The following EDA variants were observed in gnomAD, a reference collection of about 807,000 sequenced individuals.
The protein encoded by EDA is ectodysplasin A.
In EDA, 2 loss-of-function variants were observed where a neutral mutation model predicts 23.6. The observed-to-expected ratio is 0.08, with a 90% CI of 0.03 to 0.27. EDA has a LOEUF of 0.27. EDA is among the 10% of genes least tolerant of loss of function. The pLI is 1.00. For missense variants in EDA, 229 were observed against 324.2 expected, an observed-to-expected ratio of 0.71 and a Z score of 2.26; for synonymous variants, 131 against 132.0, an observed-to-expected ratio of 0.99 and a Z score of 0.05.
At chrX:69,655,759 A>AATATATATATATATATATATATAT (rs1435834220) in intron 1 of EDA, among the ~76,000 whole-genome samples, 33 of 39,341 alleles carry the variant, frequency 8.4e-4, no homozygotes, top group Non-Finnish European at 1.1e-3. Context: ...ACATCATTAG[A>AATATATATATATATATATATATAT]ATCTATATAT....
intron 1 of EDA, among the ~76,000 whole-genome samples, chrX:69,696,178 T>G (rs2520374): frequency 0.33 from 35,959 of 107,930 alleles, 5,230 homozygotes; most frequent in Middle Eastern, 0.56. Flanking sequence ...GGCAGAGGTT[T>G]CAGTGAGTGA....
chrX:69,851,353 C>A (rs1314733465), intron 1 of EDA, among the ~76,000 whole-genome samples: 1 of 112,146 alleles, frequency 8.9e-6, no homozygotes, highest in Non-Finnish European at 1.9e-5. Flanking sequence ...TGTGCTTATG[C>A]ATTTAAAATT....
intron 1 of EDA, among the ~76,000 whole-genome samples, chrX:69,947,187 T>C (rs764553716): frequency 1.2e-4 from 13 of 112,668 alleles, no homozygotes; most frequent in Non-Finnish European, 1.5e-4. Context: ...GGCAGTGTCA[T>C]CCAGTATATA....
At chrX:69,626,083 A>G (rs937687534) in intron 1 of EDA, among the ~76,000 whole-genome samples, 3 of 111,720 alleles carry the variant, frequency 2.7e-5, no homozygotes, top group Non-Finnish European at 5.7e-5. Context: ...ATCATTATCC[A>G]TTACAGAAAT....
chrX:69,953,582 A>G (rs1174240032), intron 1 of EDA, among the ~76,000 whole-genome samples: 2 of 112,270 alleles, frequency 1.8e-5, no homozygotes, highest in South Asian at 3.7e-4. Context: ...AGACTTGTAC[A>G]TGAATGTTAA....
intron 1 of EDA, among the ~76,000 whole-genome samples, chrX:69,752,288 G>C (rs1410449953): frequency 9.0e-6 from 1 of 111,531 alleles, no homozygotes; most frequent in African/African-American, 3.3e-5. Flanking sequence ...TAGCATGAAG[G>C]GCTGTTGAAT....
intron 1 of EDA, among the ~76,000 whole-genome samples, chrX:69,708,324 AC>A (rs2147322977): frequency 8.9e-6 from 1 of 111,761 alleles, no homozygotes; most frequent in South Asian, 3.8e-4. Context: ...TCAGTTAGCT[AC>A]CTGCAGTTGA....
At chrX:69,852,117 T>TTTGG (rs2017150173) in intron 1 of EDA, among the ~76,000 whole-genome samples, 1 of 111,801 alleles carries the variant, frequency 8.9e-6, no homozygotes, top group African/African-American at 3.3e-5. Context: ...GGGTAGGAAG[T>TTTGG]TTGGCATTAT....
At chrX:69,662,205 A>G (rs148503526) in intron 1 of EDA, among the ~76,000 whole-genome samples, 1,829 of 111,787 alleles carry the variant, frequency 0.016, 45 homozygotes, top group African/African-American at 0.057. Context: ...GATTCTGCAT[A>G]TAAGTGATGT....
chrX:69,626,791 A>C (rs1602231240), intron 1 of EDA, among the ~76,000 whole-genome samples: 1 of 112,126 alleles, frequency 8.9e-6, no homozygotes, highest in African/African-American at 3.2e-5. Flanking sequence ...ACAATTCTGT[A>C]AAGTTACTAG....
intron 1 of EDA, among the ~76,000 whole-genome samples, chrX:69,663,176 C>T (rs1933567149): frequency 8.9e-6 from 1 of 111,946 alleles, no homozygotes; most frequent in Non-Finnish European, 1.9e-5. Flanking sequence ...TGTTAATTGC[C>T]AAGACAATAG....
intron 2 of EDA, among the ~76,000 whole-genome samples, chrX:69,977,150 CT>C (rs1209704804): frequency 2.7e-5 from 3 of 112,018 alleles, no homozygotes; most frequent in African/African-American, 9.7e-5. Context: ...ATACAAACTG[CT>C]CTTTTACTGC....
intron 1 of EDA, among the ~76,000 whole-genome samples, chrX:69,682,025 A>C (rs1283170022): frequency 9.1e-6 from 1 of 110,468 alleles, no homozygotes; most frequent in Admixed American, 9.6e-5. Flanking sequence ...TCTGTTTGTT[A>C]GTTTTCCTTC....
At chrX:69,743,505 A>G (rs2013523160) in intron 1 of EDA, among the ~76,000 whole-genome samples, 1 of 111,977 alleles carries the variant, frequency 8.9e-6, no homozygotes, top group Non-Finnish European at 1.9e-5. Flanking sequence ...AATTAGGTAC[A>G]TAGAGCTGAT....
At chrX:70,003,667 TCAA>T (rs775324765) in intron 2 of EDA, among the ~76,000 whole-genome samples, 21 of 112,040 alleles carry the variant, frequency 1.9e-4, no homozygotes, top group African/African-American at 6.8e-4. Flanking sequence ...GAACATTAAG[TCAA>T]CAAGAGATAG....
At chrX:69,824,072 C>A (rs1223046888) in intron 1 of EDA, among the ~76,000 whole-genome samples, 2 of 97,562 alleles carry the variant, frequency 2.0e-5, no homozygotes, top group African/African-American at 7.7e-5. Flanking sequence ...TGTTTTGGTA[C>A]CAGTACCATG....
intron 1 of EDA, among the ~76,000 whole-genome samples, chrX:69,926,215 C>G (rs1011848455): frequency 9.1e-6 from 1 of 110,441 alleles, no homozygotes; most frequent in African/African-American, 3.3e-5. Flanking sequence ...GATTAGTTTG[C>G]TCTTGCCTCT....
intron 1 of EDA, among the ~76,000 whole-genome samples, chrX:69,898,205 C>T (rs2018047449): frequency 8.9e-6 from 1 of 111,961 alleles, no homozygotes; most frequent in South Asian, 3.7e-4. Flanking sequence ...CTGGAAGTTC[C>T]ATATGTATTT....
intron 1 of EDA, among the ~76,000 whole-genome samples, chrX:69,681,552 C>T (rs1470172480): frequency 9.0e-6 from 1 of 111,286 alleles, no homozygotes; most frequent in Non-Finnish European, 1.9e-5. Flanking sequence ...AACTTCCCTT[C>T]TCGCTTAATT....
Sources: allele counts gnomAD v4.1 joint callset (sites outside exome capture counted in the v4.1 genomes callset), GRCh38; gene constraint gnomAD v4.1.1; transcripts MANE v1.5; gene names NCBI Gene and HGNC (gene_info 2026-07-23, HGNC 2026-07-21).